The following CFAP61 variants were observed in gnomAD, a reference collection of about 807,000 sequenced individuals.
The protein encoded by CFAP61 is cilia and flagella associated protein 61.
A neutral mutation model predicts 135.6 loss-of-function variants in CFAP61; 107 were observed. The observed-to-expected ratio is 0.79, with a 90% CI of 0.67 to 0.93. The LOEUF (loss-of-function observed/expected upper bound fraction) is 0.93. CFAP61 is among the 40% of genes least tolerant of loss of function. The probability of loss-of-function intolerance (pLI) is 0.00; values close to 1 mark genes in which losing one functional copy is unlikely to be tolerated. For synonymous variants in CFAP61, 575 were observed against 578.5 expected, an observed-to-expected ratio of 0.99 and a Z score of 0.09; for missense variants, 1,507 against 1,556.2, an observed-to-expected ratio of 0.97 and a Z score of 0.53.
chr20:20,053,584 A>G (rs6035533), intron 1 of CFAP61, among the ~76,000 whole-genome samples: 21,540 of 152,226 alleles, frequency 0.14, 1,669 homozygotes, highest in East Asian at 0.22. Context: ...GAAAATATAT[A>G]TTTATGTATG....
chr20:20,212,390 G>A (rs754334016), intron 17 of CFAP61, among the ~76,000 whole-genome samples: 1 of 152,196 alleles, frequency 6.6e-6, no homozygotes. Flanking sequence ...TTGGCCCCGG[G>A]GAAGTGCTTA....
chr20:20,334,166 G>T (rs533338438), intron 25 of CFAP61, among the ~76,000 whole-genome samples: 28 of 152,060 alleles, frequency 1.8e-4, no homozygotes, highest in African/African-American at 6.3e-4. Context: ...TCGCTCTGTC[G>T]CCCAGGCTAG....
At chr20:20,100,334 A>G (rs1286637339) in intron 8 of CFAP61, among the ~76,000 whole-genome samples, 1 of 151,896 alleles carries the variant, frequency 6.6e-6, no homozygotes, top group African/African-American at 2.4e-5. Flanking sequence ...CACCACGCCC[A>G]GCTAATTTTT....
At chr20:20,085,085 A>G in intron 6 of CFAP61, 1 of 985,034 alleles carries the variant, frequency 1.0e-6, no homozygotes, top group Non-Finnish European at 1.2e-6. Context: ...GAATTGTACT[A>G]TTTCCGTTGC....
intron 7 of CFAP61, among the ~76,000 whole-genome samples, chr20:20,095,349 A>G (rs2047492352): frequency 1.3e-5 from 2 of 152,202 alleles, no homozygotes; most frequent in South Asian, 4.1e-4. Flanking sequence ...CTTTAAGGCA[A>G]CCACTGTCAA....
At chr20:20,103,832 A>G (rs1409578732) in intron 8 of CFAP61, among the ~76,000 whole-genome samples, 2 of 152,230 alleles carry the variant, frequency 1.3e-5, no homozygotes, top group Admixed American at 6.5e-5. Flanking sequence ...TTGATAATGC[A>G]TAAGGCAAAA....
chr20:20,158,869 T>C (rs2053170773), intron 9 of CFAP61, among the ~76,000 whole-genome samples: 1 of 152,242 alleles, frequency 6.6e-6, no homozygotes, highest in Admixed American at 6.5e-5. Flanking sequence ...TCAAAAAGGA[T>C]ACTTCAAATA....
At chr20:20,064,573 C>T (rs2045095913) in intron 2 of CFAP61, among the ~76,000 whole-genome samples, 1 of 152,072 alleles carries the variant, frequency 6.6e-6, no homozygotes, top group Admixed American at 6.6e-5. Flanking sequence ...GCAGGACGGG[C>T]TGGGATGGCA....
intron 20 of CFAP61, among the ~76,000 whole-genome samples, chr20:20,262,678 A>G (rs553129675): frequency 6.6e-6 from 1 of 152,314 alleles, no homozygotes; most frequent in East Asian, 1.9e-4. Context: ...ACTGTCCTGC[A>G]TAAGCTGGGA....
At chr20:20,227,263 T>C (rs1427364422) in intron 17 of CFAP61, among the ~76,000 whole-genome samples, 1 of 152,222 alleles carries the variant, frequency 6.6e-6, no homozygotes, top group East Asian at 1.9e-4. Flanking sequence ...AGATTTCTGA[T>C]GTAGAGGATG....
At chr20:20,066,065 CAT>C (rs1359635658) in intron 2 of CFAP61, among the ~76,000 whole-genome samples, 6 of 152,134 alleles carry the variant, frequency 3.9e-5, no homozygotes, top group East Asian at 1.9e-4. Flanking sequence ...AGCCAACAGA[CAT>C]ATGAAAAAAT....
At chr20:20,256,852 G>C (rs1435748407) in intron 20 of CFAP61, among the ~76,000 whole-genome samples, 2 of 152,186 alleles carry the variant, frequency 1.3e-5, no homozygotes, top group South Asian at 4.1e-4. Flanking sequence ...AATTTTCTCA[G>C]TTATGTTCTG....
intron 19 of CFAP61, among the ~76,000 whole-genome samples, chr20:20,248,227 A>C (rs558547574): frequency 6.6e-6 from 1 of 152,360 alleles, no homozygotes; most frequent in South Asian, 2.1e-4. Context: ...TTGCATGGGT[A>C]ACTGCATGTC....
chr20:20,181,271 A>ATG (rs200856463), intron 13 of CFAP61, among the ~76,000 whole-genome samples: 2,662 of 99,394 alleles, frequency 0.027, 52 homozygotes, highest in Middle Eastern at 0.082. Context: ...ATGTATGTGT[A>ATG]TGTATACACA....
intron 26 of CFAP61, among the ~76,000 whole-genome samples, chr20:20,356,553 AGG>A (rs2059183104): frequency 1.1e-5 from 1 of 93,412 alleles, no homozygotes; most frequent in Non-Finnish European, 2.4e-5. Flanking sequence ...GGTCACACTG[AGG>A]GGAGGTGGTC....
At chr20:20,105,294 G>T (rs2048302759) in intron 8 of CFAP61, among the ~76,000 whole-genome samples, 1 of 152,116 alleles carries the variant, frequency 6.6e-6, no homozygotes, top group African/African-American at 2.4e-5. Context: ...GTTCTTACAG[G>T]CTTCTGTGCC....
chr20:20,205,787 G>C (rs921921069), intron 17 of CFAP61, among the ~76,000 whole-genome samples: 1 of 152,166 alleles, frequency 6.6e-6, no homozygotes, highest in South Asian at 2.1e-4. Context: ...GTATGGGTTT[G>C]TTGTTGCAAA....
At chr20:20,303,514 A>G (rs2056237125) in intron 25 of CFAP61, among the ~76,000 whole-genome samples, 1 of 152,068 alleles carries the variant, frequency 6.6e-6, no homozygotes, top group African/African-American at 2.4e-5. Context: ...GGCGTGTGTT[A>G]GTGGGTACAT....
At chr20:20,187,260 C>G in intron 13 of CFAP61, among the ~76,000 whole-genome samples, 1 of 152,246 alleles carries the variant, frequency 6.6e-6, no homozygotes, top group Middle Eastern at 3.4e-3. Context: ...CAACCAATGT[C>G]GCTCCTGGCA....
Sources: gnomAD v4.1 joint callset for allele counts (sites outside exome capture counted in the v4.1 genomes callset) on GRCh38, gnomAD v4.1.1 for gene constraint, MANE v1.5 for transcripts, NCBI Gene and HGNC (gene_info 2026-07-23, HGNC 2026-07-21) for gene names.